The following XPO6 variants were observed in gnomAD, a reference collection of about 807,000 sequenced individuals.
The protein encoded by XPO6 is exportin-6.
Under a neutral mutation model 130.0 loss-of-function variants are expected in XPO6, and 3 were observed. That is an observed-to-expected ratio of 0.02 (90% CI 0.01 to 0.06). XPO6 has a LOEUF of 0.06. Among genes scored for constraint, XPO6 ranks in the 10% least tolerant of loss-of-function variants. The pLI, the probability that XPO6 is intolerant of heterozygous loss-of-function variation, is 1.00. For synonymous variants in XPO6, 524 were observed against 548.9 expected (o/e 0.95, Z 0.63); for missense variants, 970 against 1,393.0 (o/e 0.70, Z 4.83).
intron 9 of XPO6, among the ~76,000 whole-genome samples, chr16:28,136,795 C>T (rs1190178175): frequency 1.3e-5 from 2 of 152,248 alleles, no homozygotes; most frequent in Admixed American, 1.3e-4. Flanking sequence ...CCTAAATACT[C>T]GCCTATCCTG....
intron 9 of XPO6, among the ~76,000 whole-genome samples, chr16:28,140,708 T>C (rs1290080295): frequency 6.6e-6 from 1 of 150,382 alleles, no homozygotes; most frequent in African/African-American, 2.5e-5. Context: ...TTTTGAGGGA[T>C]AAAGCTAAAG....
rs11399805 is a variant in XPO6, at chr16:28,132,789, TC to T, written c.1537-387del. Reference sequence around the variant, plus strand: ...ATCTCCCTTCAAATCCAAGGGAACCTCTACCTTGAGAGAAATGTCAGCTATG... The same window carrying T: ...ATCTCCCTTCAAATCCAAGGGAACCTTACCTTGAGAGAAATGTCAGCTATG... On this transcript the variant is annotated intron_variant, in intron 11 of 23. Transcript: ENST00000304658. The surrounding 1 kb of genome is among the most constrained non-coding windows in gnomAD (Gnocchi z 4.0). 0.34 allele frequency among the ~76,000 whole-genome samples: 51,559 copies of T among 151,842 alleles called. 8,921 individuals carry two copies. The highest frequency in any genetic ancestry group is 0.42 in the African/African-American group (17,285 of 41,358).
chr16:28,168,038 A>G (rs1339876599), intron 5 of XPO6, among the ~76,000 whole-genome samples: 1 of 152,196 alleles, frequency 6.6e-6, no homozygotes, highest in Non-Finnish European at 1.5e-5. Flanking sequence ...AACCTCAAGA[A>G]TATACTAAAA....
chr16:28,133,749 G>A, intron 11 of XPO6, 92 bp downstream of exon 11: 1 of 1,103,112 alleles, frequency 9.1e-7, no homozygotes. Context: ...GGGGAAAGAG[G>A]GGAGAGAGAG....
At position 28,189,720 on chromosome 16, in the gene XPO6, C is replaced by T. The variant is rs193032627; in HGVS notation, c.4-8689G>A. Among the ~76,000 whole-genome samples, 18 of 152,274 alleles carry T rather than the reference C, an allele frequency of 1.2e-4. No homozygotes were observed. The East Asian group carries it at 3.5e-3, about 29-fold the overall frequency. ...AAGTCATCCCCTCGCATGAGAAAGG[C>T]TTCTTGTTTTCTTGTCTGCAGCTTA... is the stretch of plus-strand genomic sequence containing the variant. On this transcript the variant is annotated intron_variant, in intron 1 of 23. Coordinates refer to ENST00000304658, the MANE Select transcript of XPO6 (RefSeq NM_015171.4).
rs1401598995 is a variant in XPO6, at chr16:28,107,622, G to A, written c.2397C>T (p.Ile799=). Reference sequence around the variant, plus strand: ...GTCGAGACTTGGTGGACTCCCCCGAGATATTCTCCACAATATCTTCTAAGA... The same window carrying A: ...GTCGAGACTTGGTGGACTCCCCCGAAATATTCTCCACAATATCTTCTAAGA... ...LSVLEDIVEN[I]SGESTKSRQI... The change falls in exon 18 of 24, where the codon ATC becomes ATT. Residue 799 remains isoleucine, a synonymous_variant. Coordinates refer to ENST00000304658, the MANE Select transcript of XPO6 (RefSeq NM_015171.4). 4.3e-6 allele frequency: 7 copies of A among 1,614,080 alleles called. No homozygotes were observed. In the African/African-American group the frequency reaches 6.7e-5, roughly 15 times the overall value.
chr16:28,196,709 G>A (rs2043869772), intron 1 of XPO6, among the ~76,000 whole-genome samples: 1 of 152,196 alleles, frequency 6.6e-6, no homozygotes, highest in Non-Finnish European at 1.5e-5. Context: ...CCCTGGCAAG[G>A]AGTTCGGGGG....
intron 21 of XPO6, among the ~76,000 whole-genome samples, chr16:28,103,841 G>A (rs2086709833): frequency 6.6e-6 from 1 of 152,202 alleles, no homozygotes; most frequent in South Asian, 2.1e-4. Context: ...TGCTAGTAGG[G>A]AGCTGGAGGG....
At chr16:28,207,406 C>A (rs2044049531) in intron 1 of XPO6, among the ~76,000 whole-genome samples, 1 of 152,158 alleles carries the variant, frequency 6.6e-6, no homozygotes, top group Admixed American at 6.5e-5. Context: ...GTAATAATTT[C>A]TCAGCAAAGT....
rs1366256530 is a variant in XPO6 at position 28,098,306 on chromosome 16, C to T, written c.*232G>A. On this transcript the variant is annotated 3_prime_UTR_variant, in exon 24 of 24. Coordinates refer to ENST00000304658, the MANE Select transcript of XPO6 (RefSeq NM_015171.4). ...GCCTCCTAGTACCTGGCCACACACC[C>T]CTCCGCCTGCTCCAACGCCCTGGGA... 4.2e-6 allele frequency: 2 copies of T among 474,334 alleles called. No individual in the cohort carries two copies. The highest frequency in any genetic ancestry group is 2.0e-5 in the African/African-American group (1 of 50,706). The allele number at this position is 474,334 out of a possible 1,614,324, so 29.4% of individuals were successfully genotyped here. A position where few individuals can be genotyped will look rare whatever the true frequency, so the allele number is the denominator to read the frequency against.
At chr16:28,148,778 A>G (rs1282444947) in intron 8 of XPO6, among the ~76,000 whole-genome samples, 1 of 152,150 alleles carries the variant, frequency 6.6e-6, no homozygotes, top group Non-Finnish European at 1.5e-5. Context: ...ACGGTGGTTC[A>G]CACCTGTAAT....
At position 28,160,503 on chromosome 16, in the gene XPO6, C is replaced by CAAAAAAAAAAAAAAAAA. The variant is rs1158204334; in HGVS notation, c.644-3977_644-3976insTTTTTTTTTTTTTTTTT. Among the ~76,000 whole-genome samples the CAAAAAAAAAAAAAAAAA allele has an allele frequency of 2.1e-4, 25 of 116,640 alleles. 1 individual carries two copies. Among genetic ancestry groups the CAAAAAAAAAAAAAAAAA allele is most frequent in the African/African-American group, 9.1e-4 (22 of 24,068 alleles). 76.5% of individuals were successfully genotyped at this position (116,640 alleles called of 152,430 possible). The stretch of plus-strand genomic sequence containing the variant: ...TGGATAACAAAGTGAGACTCCATCA[C>CAAAAAAAAAAAAAAAAA]CAAAAAAAAAAAAAAAATCAAGTAA... On this transcript the variant is annotated intron_variant, in intron 6 of 23. Coordinates refer to ENST00000304658, the MANE Select transcript of XPO6 (RefSeq NM_015171.4).
chr16:28,205,695 T>C (rs2044018400), intron 1 of XPO6, among the ~76,000 whole-genome samples: 1 of 152,100 alleles, frequency 6.6e-6, no homozygotes, highest in Admixed American at 6.6e-5. Flanking sequence ...CCTTGGGAAG[T>C]TGCCTAACCT....
chr16:28,202,453 A>G (rs147532406), intron 1 of XPO6, among the ~76,000 whole-genome samples: 1 of 152,316 alleles, frequency 6.6e-6, no homozygotes, highest in African/African-American at 2.4e-5. Context: ...TGACAGCAAC[A>G]ACCAAAGCAA....
chr16:28,200,138 C>G (rs569613612), intron 1 of XPO6, among the ~76,000 whole-genome samples: 1 of 148,020 alleles, frequency 6.8e-6, no homozygotes, highest in African/African-American at 2.5e-5. Flanking sequence ...CTGGGCGAAA[C>G]AGAGGGAGAC....
At chr16:28,178,215 T>A (rs1025651044) in intron 2 of XPO6, among the ~76,000 whole-genome samples, 2 of 152,098 alleles carry the variant, frequency 1.3e-5, no homozygotes, top group Non-Finnish European at 2.9e-5. Context: ...AATCCTCAAG[T>A]CATTGCTCTG....
At chr16:28,160,957 C>T (rs1029841652) in intron 6 of XPO6, among the ~76,000 whole-genome samples, 3 of 152,104 alleles carry the variant, frequency 2.0e-5, no homozygotes, top group African/African-American at 7.2e-5. Context: ...TCTTTAGTGG[C>T]TGGTTTAAAA....
At chr16:28,203,899 G>A (rs570617426) in intron 1 of XPO6, among the ~76,000 whole-genome samples, 2 of 152,266 alleles carry the variant, frequency 1.3e-5, no homozygotes, top group East Asian at 3.9e-4. Context: ...TTTCCTTTAA[G>A]GAAAAACCAT....
At chr16:28,173,721 C>T (rs1176091157) in intron 4 of XPO6, among the ~76,000 whole-genome samples, 1 of 152,214 alleles carries the variant, frequency 6.6e-6, no homozygotes, top group Non-Finnish European at 1.5e-5. Context: ...GGAGTCAATA[C>T]TGAAGGGGTT....
Sources: allele counts gnomAD v4.1 joint callset (sites outside exome capture counted in the v4.1 genomes callset), GRCh38; gene constraint gnomAD v4.1.1; non-coding constraint Gnocchi (gnomAD v3.1); transcripts MANE v1.5; gene names NCBI Gene and HGNC (gene_info 2026-07-23, HGNC 2026-07-21).